SSH2: variants seen among roughly 807,000 people sequenced by gnomAD.
The protein encoded by SSH2 is slingshot protein phosphatase 2, also known as protein phosphatase Slingshot homolog 2.
Under a neutral mutation model 135.2 loss-of-function variants are expected in SSH2, and 37 were observed. The ratio of observed to expected loss-of-function variants is 0.27; its 90% CI spans 0.21 to 0.36. The LOEUF is 0.36. Ranked by LOEUF, SSH2 falls within the 10% of genes least tolerant of loss-of-function variation. SSH2 has a pLI of 1.00. For missense variants in SSH2, 1,408 were observed against 1,765.3 expected (o/e 0.80, Z 3.63); for synonymous variants, 628 against 646.2 (o/e 0.97, Z 0.43).
At chr17:29,909,778 T>C (rs1180429810) in intron 1 of SSH2, among the ~76,000 whole-genome samples, 1 of 152,172 alleles carries the variant, frequency 6.6e-6, no homozygotes, top group African/African-American at 2.4e-5. Flanking sequence ...ACTGTATGAG[T>C]CACCTTAAAA....
rs184397960 is a variant in SSH2 at position 29,921,732 on chromosome 17, T to A, written c.63+8206A>T. Among the ~76,000 whole-genome samples, 334 of 152,122 alleles carry A rather than the reference T, an allele frequency of 2.2e-3. 1 individual carries two copies. Among genetic ancestry groups the A allele is most frequent in the African/African-American group, 7.9e-3 (329 of 41,512 alleles). On this transcript the variant is annotated intron_variant, in intron 1 of 15. Coordinates refer to ENST00000540801, the MANE Select transcript of SSH2 (RefSeq NM_001282129.2). ...GGGATTACAGGCATCCACCACCGCA[T>A]CTGGCTAATTTTTGTATATTTAGTA...
chr17:29,729,261 T>C (rs1448631454), intron 3 of SSH2, among the ~76,000 whole-genome samples: 1 of 152,168 alleles, frequency 6.6e-6, no homozygotes, highest in Non-Finnish European at 1.5e-5. Context: ...AAGATGACAT[T>C]GAAATGGCAA....
At chr17:29,660,530 G>C (rs915068097) in intron 11 of SSH2, among the ~76,000 whole-genome samples, 1 of 152,032 alleles carries the variant, frequency 6.6e-6, no homozygotes, top group African/African-American at 2.4e-5. Flanking sequence ...CTCCCAAAGT[G>C]TTGGGATTAC....
chr17:29,748,307 G>T (rs938397287), intron 3 of SSH2, among the ~76,000 whole-genome samples: 1 of 151,768 alleles, frequency 6.6e-6, no homozygotes, highest in Non-Finnish European at 1.5e-5. Context: ...CTTTGACAGG[G>T]GATCATTAAC....
rs114837712 is a variant in SSH2, at chr17:29,690,105, C to T, written c.357+5354G>A. On this transcript the variant is annotated intron_variant, in intron 5 of 15. Transcript: ENST00000540801. ...CCTTAAGCTTAAACTGTAACTTTGC[C>T]TTTAATTTCTTTTCACCACTGGGTG... Among the ~76,000 whole-genome samples, 672 of 151,894 alleles carry T rather than the reference C, an allele frequency of 4.4e-3. 6 individuals carry two copies. Among genetic ancestry groups the T allele is most frequent in the African/African-American group, 0.016 (650 of 41,462 alleles).
chr17:29,740,201 G>C (rs1298256654), intron 3 of SSH2, among the ~76,000 whole-genome samples: 1 of 152,188 alleles, frequency 6.6e-6, no homozygotes, highest in Admixed American at 6.5e-5. Context: ...ATGAGCTGCG[G>C]GCAGAGATCC....
At chr17:29,903,461 C>CA (rs35245063) in intron 1 of SSH2, among the ~76,000 whole-genome samples, 18,377 of 136,584 alleles carry the variant, frequency 0.13, 1,318 homozygotes, top group African/African-American at 0.21. Context: ...CAAGATTTAC[C>CA]AAAAAAAAAA....
Position 29,631,465 on chromosome 17 carries a change from A to G in SSH2, c.3729T>C (p.Ser1243=). The G allele has an allele frequency of 6.2e-7, 1 of 1,614,050 alleles. No homozygotes were observed. The change falls in exon 16 of 16, where the codon TCT becomes TCC. Residue 1243 remains serine (S), a synonymous_variant. Transcript: ENST00000540801. ...TGAGACTCTTTATGTTTTCACTACT[A>G]GAGCTATGTGGGAGTCGACAGGCTA... ...LPVACRLPHS[S]SSENIKSLSH... is the part of the protein sequence containing the mutation.
chr17:29,780,435 ATT>A (rs71138855), intron 3 of SSH2: 180 of 137,508 alleles, frequency 1.3e-3, no homozygotes, highest in Admixed American at 1.6e-3. Flanking sequence ...GATTGTTTCA[ATT>A]TTTTTTTTTT....
intron 7 of SSH2, 39 bp downstream of exon 7, chr17:29,677,634 T>C (rs1244176353): frequency 2.5e-6 from 4 of 1,573,900 alleles, no homozygotes; most frequent in South Asian, 2.2e-5. Flanking sequence ...GCCCCACCCC[T>C]TGGCTTTCTG....
intron 1 of SSH2, among the ~76,000 whole-genome samples, chr17:29,871,753 T>C (rs2065939388): frequency 6.6e-6 from 1 of 152,156 alleles, no homozygotes; most frequent in Non-Finnish European, 1.5e-5. Flanking sequence ...AACTCTCACA[T>C]ACTAATGGCT....
intron 1 of SSH2, among the ~76,000 whole-genome samples, chr17:29,891,643 C>T (rs2066352646): frequency 6.7e-6 from 1 of 150,042 alleles, no homozygotes; most frequent in Non-Finnish European, 1.5e-5. Flanking sequence ...GAAGAGCAGA[C>T]CAAAGGTAAT....
Position 29,721,024 on chromosome 17 carries a change from C to T in SSH2, c.189-17962G>A, listed in dbSNP as rs558013293. 5.9e-5 allele frequency among the ~76,000 whole-genome samples: 9 copies of T among 152,280 alleles called. No individual in the cohort carries two copies. In the South Asian group the frequency reaches 1.7e-3, roughly 28 times the overall value. ...TTATTAAGCTTTCTTGATGTCCAATCCAATGTTTAACAGTTCAAATTCACT... is the reference window on the plus strand; with the variant it reads ...TTATTAAGCTTTCTTGATGTCCAATTCAATGTTTAACAGTTCAAATTCACT... On this transcript the variant is annotated intron_variant, in intron 3 of 15. Transcript: ENST00000540801.
At chr17:29,790,344 TGA>T (rs941738264) in intron 3 of SSH2, among the ~76,000 whole-genome samples, 1 of 152,126 alleles carries the variant, frequency 6.6e-6, no homozygotes, top group African/African-American at 2.4e-5. Flanking sequence ...GTAAGAACAC[TGA>T]GAGAAGGTGG....
In SSH2 at chr17:29,721,167, A is replaced by T. The variant is rs989443634; in HGVS notation, c.189-18105T>A. Among the ~76,000 whole-genome samples, 3 of 152,136 alleles carry T rather than the reference A, an allele frequency of 2.0e-5. No individual in the cohort carries two copies. The South Asian group carries it at 6.2e-4, about 31-fold the overall frequency. On this transcript the variant is annotated intron_variant, in intron 3 of 15. Transcript: ENST00000540801. Reference sequence around the variant, plus strand: ...GTACTCTAGAGTGGGATGTGAAATAACAATAATTCCAAACATTTTAGTTAG... The same window carrying T: ...GTACTCTAGAGTGGGATGTGAAATATCAATAATTCCAAACATTTTAGTTAG...
chr17:29,637,218 C>A (rs182103867), intron 14 of SSH2, among the ~76,000 whole-genome samples: 1 of 152,302 alleles, frequency 6.6e-6, no homozygotes, highest in Admixed American at 6.5e-5. Context: ...CCCACCTCAG[C>A]CTCCCGAGTA....
intron 3 of SSH2, among the ~76,000 whole-genome samples, chr17:29,731,409 G>T (rs1232743451): frequency 1.4e-5 from 2 of 147,680 alleles, no homozygotes; most frequent in African/African-American, 5.0e-5. Context: ...TTTCATAGCA[G>T]AAGTATTTTT....
At chr17:29,713,468 T>C (rs1163575820) in intron 3 of SSH2, among the ~76,000 whole-genome samples, 1 of 152,194 alleles carries the variant, frequency 6.6e-6, no homozygotes, top group Non-Finnish European at 1.5e-5. Flanking sequence ...TCTTTTTTTT[T>C]AGCTTTTAGC....
chr17:29,633,183 C>G (rs934113718), intron 15 of SSH2, among the ~76,000 whole-genome samples: 2 of 152,172 alleles, frequency 1.3e-5, no homozygotes, highest in African/African-American at 4.8e-5. Context: ...TCTGTTTACT[C>G]AAGCAGAATT....
Sources: gnomAD v4.1 joint callset for allele counts (sites outside exome capture counted in the v4.1 genomes callset) on GRCh38, gnomAD v4.1.1 for gene constraint, MANE v1.5 for transcripts, NCBI Gene and HGNC (gene_info 2026-07-23, HGNC 2026-07-21) for gene names.